Variants in CNTNAP2 observed in about 807,000 individuals in gnomAD.
The protein encoded by CNTNAP2 is contactin associated protein 2, also known as contactin-associated protein-like 2.
A neutral mutation model predicts 155.2 loss-of-function variants in CNTNAP2; 98 were observed. The observed-to-expected ratio is 0.63, with a 90% CI of 0.54 to 0.75. The LOEUF is 0.75. Ranked by LOEUF, CNTNAP2 falls within the 30% of genes least tolerant of loss-of-function variation. The pLI is 0.00. For missense variants in CNTNAP2, 1,727 were observed against 1,688.1 expected (o/e 1.02, Z -0.40); for synonymous variants, 651 against 631.2 (o/e 1.03, Z -0.47).
chr7:148,257,075 C>A (rs918137125), intron 20 of CNTNAP2, among the ~76,000 whole-genome samples: 2 of 152,100 alleles, frequency 1.3e-5, no homozygotes, highest in Admixed American at 1.3e-4. Context: ...CCTGAGCACA[C>A]CTGGGAGTGC....
chr7:147,414,755 C>A (rs1797160636), intron 10 of CNTNAP2, among the ~76,000 whole-genome samples: 1 of 151,732 alleles, frequency 6.6e-6, no homozygotes, highest in Non-Finnish European at 1.5e-5. Context: ...TCCTGGCTAA[C>A]AAGGTGAAAC....
At chr7:147,776,702 A>T (rs1797590658) in intron 13 of CNTNAP2, among the ~76,000 whole-genome samples, 3 of 152,042 alleles carry the variant, frequency 2.0e-5, no homozygotes, top group African/African-American at 7.2e-5. Flanking sequence ...AAGCTTGAAA[A>T]TTTTTTTTGA....
chr7:146,344,041 A>T (rs991090811), intron 1 of CNTNAP2, among the ~76,000 whole-genome samples: 4 of 152,188 alleles, frequency 2.6e-5, no homozygotes, highest in African/African-American at 9.6e-5. Flanking sequence ...ACTAAAGATA[A>T]AAGAGGAAAG....
At position 147,388,737 on chromosome 7, in the gene CNTNAP2, C is replaced by T. The variant is rs1001865635; in HGVS notation, c.1499-6872C>T. Among the ~76,000 whole-genome samples the T allele has an allele frequency of 3.3e-5, 5 of 152,098 alleles. No individual in the cohort carries two copies. The East Asian group carries it at 5.8e-4, about 18-fold the overall frequency. On this transcript the variant is annotated intron_variant, in intron 9 of 23. Transcript: ENST00000361727. Reference sequence around the variant, plus strand: ...CTGGGATTACAGGTGCACACCACCACACTTGGCTAAGTTTTTGTATCTTTA... The same window carrying T: ...CTGGGATTACAGGTGCACACCACCATACTTGGCTAAGTTTTTGTATCTTTA...
intron 1 of CNTNAP2, among the ~76,000 whole-genome samples, chr7:146,334,801 A>G (rs1251764598): frequency 6.6e-6 from 1 of 151,922 alleles, no homozygotes; most frequent in East Asian, 1.9e-4. Flanking sequence ...ACATTCACAC[A>G]TTTGTGAACC....
chr7:146,464,871 G>T (rs1446940209), intron 1 of CNTNAP2, among the ~76,000 whole-genome samples: 3 of 152,042 alleles, frequency 2.0e-5, no homozygotes, highest in African/African-American at 7.2e-5. Flanking sequence ...CATTCTGGTT[G>T]CAAATACTCT....
intron 1 of CNTNAP2, among the ~76,000 whole-genome samples, chr7:146,667,508 G>A (rs1467297349): frequency 6.6e-6 from 1 of 151,728 alleles, no homozygotes; most frequent in Admixed American, 6.6e-5. Flanking sequence ...TATTTCTGTG[G>A]AGTGTCGTTT....
At chr7:146,608,962 C>G (rs1315585084) in intron 1 of CNTNAP2, among the ~76,000 whole-genome samples, 1 of 151,654 alleles carries the variant, frequency 6.6e-6, no homozygotes, top group African/African-American at 2.4e-5. Flanking sequence ...AAATTATTTC[C>G]AAGTTAGGGA....
intron 1 of CNTNAP2, among the ~76,000 whole-genome samples, chr7:146,455,034 G>T (rs551278268): frequency 6.6e-6 from 1 of 152,218 alleles, no homozygotes; most frequent in South Asian, 2.1e-4. Flanking sequence ...GAGATCCACT[G>T]CTGTTACCAC....
intron 1 of CNTNAP2, among the ~76,000 whole-genome samples, chr7:146,596,872 T>A (rs1393345191): frequency 6.6e-6 from 1 of 152,050 alleles, no homozygotes; most frequent in Non-Finnish European, 1.5e-5. Flanking sequence ...TTAAATGGAA[T>A]AATGCAAAGA....
intron 1 of CNTNAP2, among the ~76,000 whole-genome samples, chr7:146,614,706 A>G (rs1461781210): frequency 6.6e-6 from 1 of 152,210 alleles, no homozygotes; most frequent in Non-Finnish European, 1.5e-5. Context: ...ACAACTACAC[A>G]ACTAATGTAT....
chr7:147,797,944 C>T (rs1359118223), intron 13 of CNTNAP2, among the ~76,000 whole-genome samples: 1 of 152,026 alleles, frequency 6.6e-6, no homozygotes, highest in African/African-American at 2.4e-5. Context: ...TCAATAATTA[C>T]CCTTCAAATA....
chr7:146,793,671 G>A (rs1240511314), intron 2 of CNTNAP2, among the ~76,000 whole-genome samples: 1 of 152,222 alleles, frequency 6.6e-6, no homozygotes, highest in Non-Finnish European at 1.5e-5. Context: ...CCAGGGTTTG[G>A]GGGTTCCCCC....
chr7:146,556,141 T>G (rs1280653888), intron 1 of CNTNAP2, among the ~76,000 whole-genome samples: 3 of 152,168 alleles, frequency 2.0e-5, no homozygotes, highest in African/African-American at 7.2e-5. Flanking sequence ...TTATACTTTT[T>G]TCTATTGTAT....
At chr7:146,641,311 G>A (rs943433682) in intron 1 of CNTNAP2, among the ~76,000 whole-genome samples, 1 of 152,154 alleles carries the variant, frequency 6.6e-6, no homozygotes, top group South Asian at 2.1e-4. Context: ...GAGGAACAGA[G>A]CGAGACTCCG....
intron 21 of CNTNAP2, among the ~76,000 whole-genome samples, chr7:148,332,214 C>T (rs1278970024): frequency 2.0e-5 from 3 of 149,648 alleles, no homozygotes; most frequent in Non-Finnish European, 3.0e-5. Flanking sequence ...GAGCAAAAAT[C>T]ATAATTCCTA....
At chr7:147,191,713 T>C (rs10261858) in intron 8 of CNTNAP2, among the ~76,000 whole-genome samples, 60,422 of 152,008 alleles carry the variant, frequency 0.4, 12,740 homozygotes, top group East Asian at 0.62. Context: ...CTTGAGTTTG[T>C]TTTCTTTTTT....
chr7:148,066,643 G>A (rs1021156930), intron 15 of CNTNAP2, among the ~76,000 whole-genome samples: 30 of 151,734 alleles, frequency 2.0e-4, no homozygotes, highest in Admixed American at 2.6e-4. Context: ...GACTACAGGC[G>A]CCCACCACCA....
rs941534027 is a variant in CNTNAP2, at chr7:148,221,500, T to G, written c.3247+3976T>G. On this transcript the variant is annotated intron_variant, in intron 19 of 23. Coordinates refer to ENST00000361727, the MANE Select transcript of CNTNAP2 (RefSeq NM_014141.6). ...CAAAGCTGGGTGGGTTCTGTCTCAC[T>G]GTTACAAGACTATCCTCAAACTGCT... Among the ~76,000 whole-genome samples the G allele has an allele frequency of 6.6e-5, 10 of 152,332 alleles. No homozygotes were observed. In the East Asian group the frequency reaches 1.9e-3, roughly 29 times the overall value.
Sources: allele counts gnomAD v4.1 joint callset (sites outside exome capture counted in the v4.1 genomes callset), GRCh38; gene constraint gnomAD v4.1.1; transcripts MANE v1.5; gene names NCBI Gene and HGNC (gene_info 2026-07-23, HGNC 2026-07-21).